SLIT3: variants seen among roughly 807,000 people sequenced by gnomAD.
SLIT3 encodes the protein slit homolog 3 protein.
A neutral mutation model predicts 184.0 loss-of-function variants in SLIT3; 68 were observed. That is an observed-to-expected ratio of 0.37 (90% CI 0.30 to 0.45). The LOEUF (loss-of-function observed/expected upper bound fraction) is 0.45. SLIT3 is among the 20% of genes least tolerant of loss of function. The pLI, the probability that SLIT3 is intolerant of heterozygous loss-of-function variation, is 1.00. For missense variants in SLIT3, 1,707 were observed against 2,026.0 expected (o/e 0.84, Z 3.02); for synonymous variants, 831 against 828.6 (o/e 1.00, Z -0.05).
intron 4 of SLIT3, among the ~76,000 whole-genome samples, chr5:169,081,033 C>G (rs547592524): frequency 3.3e-5 from 5 of 152,324 alleles, no homozygotes; most frequent in South Asian, 2.1e-4. Flanking sequence ...CCCCCGCCCC[C>G]CTTCCCCAGG....
At chr5:168,949,180 C>T (rs564382409) in intron 4 of SLIT3, among the ~76,000 whole-genome samples, 2 of 152,308 alleles carry the variant, frequency 1.3e-5, no homozygotes, top group South Asian at 4.2e-4. Context: ...TGCGGGTGTT[C>T]TGAGGCTCTT....
chr5:168,951,051 C>G (rs910765100), intron 4 of SLIT3, among the ~76,000 whole-genome samples: 1 of 152,136 alleles, frequency 6.6e-6, no homozygotes, highest in Non-Finnish European at 1.5e-5. Context: ...GAAATCCCAT[C>G]TCTACTAAAA....
At chr5:169,217,486 T>C (rs77838700) in intron 3 of SLIT3, among the ~76,000 whole-genome samples, 2,661 of 152,216 alleles carry the variant, frequency 0.017, 92 homozygotes, top group African/African-American at 0.061. Flanking sequence ...TATTTGAATG[T>C]TGTAGTAATC....
At chr5:169,065,265 C>G (rs1420045646) in intron 4 of SLIT3, among the ~76,000 whole-genome samples, 1 of 152,204 alleles carries the variant, frequency 6.6e-6, no homozygotes, top group Non-Finnish European at 1.5e-5. Flanking sequence ...GATGAACATT[C>G]AGTATTCACC....
intron 4 of SLIT3, among the ~76,000 whole-genome samples, chr5:168,918,266 C>T (rs911794569): frequency 2.6e-5 from 4 of 152,186 alleles, no homozygotes; most frequent in African/African-American, 4.8e-5. Flanking sequence ...TTAAAAACGA[C>T]TTGAGAGTCC....
chr5:168,755,780 C>T (rs938388627), intron 16 of SLIT3, among the ~76,000 whole-genome samples: 1 of 152,148 alleles, frequency 6.6e-6, no homozygotes, highest in African/African-American at 2.4e-5. Flanking sequence ...GAAAGCAGCC[C>T]TTCCCTCCGA....
intron 4 of SLIT3, among the ~76,000 whole-genome samples, chr5:169,154,211 C>T (rs145676500): frequency 0.01 from 1,536 of 152,270 alleles, 30 homozygotes; most frequent in African/African-American, 0.035. Flanking sequence ...CCACCCACCT[C>T]GGCCTCCCAA....
chr5:168,808,414 G>A (rs1239547619), intron 8 of SLIT3, among the ~76,000 whole-genome samples: 1 of 152,094 alleles, frequency 6.6e-6, no homozygotes, highest in Non-Finnish European at 1.5e-5. Context: ...TTATTTCCCT[G>A]TGCCTCAGTT....
At chr5:169,200,414 CT>C (rs1763874000) in intron 3 of SLIT3, among the ~76,000 whole-genome samples, 1 of 152,204 alleles carries the variant, frequency 6.6e-6, no homozygotes, top group Non-Finnish European at 1.5e-5. Context: ...TTCAGAAACA[CT>C]CACATGTCTC....
At chr5:168,834,599 A>T (rs1233947357) in intron 6 of SLIT3, among the ~76,000 whole-genome samples, 1 of 146,044 alleles carries the variant, frequency 6.8e-6, no homozygotes, top group East Asian at 2.1e-4. Context: ...GGCTGAGGGC[A>T]GGAGGTGAGC....
At chr5:168,834,762 C>A (rs900023148) in intron 6 of SLIT3, among the ~76,000 whole-genome samples, 9 of 122,774 alleles carry the variant, frequency 7.3e-5, no homozygotes, top group African/African-American at 2.8e-4. Flanking sequence ...GCAGATATTT[C>A]AAAGATTTAC....
chr5:169,201,425 G>A (rs766626173), intron 3 of SLIT3, among the ~76,000 whole-genome samples: 12 of 152,302 alleles, frequency 7.9e-5, no homozygotes, highest in Non-Finnish European at 1.3e-4. Flanking sequence ...TGGGATATCT[G>A]AGAGGGCTGA....
At position 168,908,597 on chromosome 5, in the gene SLIT3, C is replaced by A. The variant is rs554357971; in HGVS notation, c.414-25261G>T. The stretch of plus-strand genomic sequence containing the variant: ...GTTCCTGAGGTGGCTCCAGGGACTT[C>A]TCCCTGCTTTTAAGACAAGGGACTT... On this transcript the variant is annotated intron_variant, in intron 4 of 35. Coordinates refer to ENST00000519560, the MANE Select transcript of SLIT3 (RefSeq NM_003062.4). Among the ~76,000 whole-genome samples, 11 of 152,274 alleles carry A rather than the reference C, an allele frequency of 7.2e-5. No homozygotes were observed. In the South Asian group the frequency reaches 2.1e-3, roughly 29 times the overall value.
intron 4 of SLIT3, among the ~76,000 whole-genome samples, chr5:168,983,933 C>T (rs1486841993): frequency 6.6e-5 from 10 of 152,004 alleles, no homozygotes; most frequent in African/African-American, 2.4e-4. Context: ...GCCTGTAATC[C>T]CATCACTTTG....
intron 4 of SLIT3, among the ~76,000 whole-genome samples, chr5:169,137,303 C>CAT (rs764145331): frequency 2.2e-5 from 3 of 139,154 alleles, no homozygotes; most frequent in African/African-American, 8.7e-5. Flanking sequence ...TTTCTATCTA[C>CAT]ATACACACAC....
chr5:168,875,928 TCA>T (rs1027425998), intron 5 of SLIT3, among the ~76,000 whole-genome samples: 2 of 152,080 alleles, frequency 1.3e-5, no homozygotes, highest in African/African-American at 4.8e-5. Context: ...CCTGACACTC[TCA>T]GTCAGGAATG....
At chr5:168,855,473 G>A (rs1313782820) in intron 5 of SLIT3, among the ~76,000 whole-genome samples, 1 of 152,212 alleles carries the variant, frequency 6.6e-6, no homozygotes, top group East Asian at 1.9e-4. Context: ...CAACCCAAAT[G>A]TCTGTCAGCG....
rs778411948 is a variant in SLIT3, at chr5:169,300,428, A to AG, written c.197+84dup. The AG allele has an allele frequency of 1.0e-3, 1,406 of 1,362,776 alleles. 3 individuals carry two copies. The highest frequency in any genetic ancestry group is 1.1e-3 in the Non-Finnish European group (1,114 of 1,060,032). 84.4% of individuals were successfully genotyped at this position (1,362,776 alleles called of 1,614,324 possible). A position where few individuals can be genotyped will look rare whatever the true frequency, so the allele number is the denominator to read the frequency against. On this transcript the variant is annotated intron_variant, in intron 1 of 35. Coordinates refer to ENST00000519560, the MANE Select transcript of SLIT3 (RefSeq NM_003062.4). This position sits in a 1 kb window ranked among gnomAD's most constrained non-coding sequence, Gnocchi z 4.1. ...ATAGAGACTGCATCCAGGGAGGCCG[A>AG]GGGGAAAGGACGGATCTGGCGCCTG...
chr5:168,768,726 C>T (rs1271956014), intron 14 of SLIT3, among the ~76,000 whole-genome samples: 1 of 152,206 alleles, frequency 6.6e-6, no homozygotes, highest in Admixed American at 6.5e-5. Context: ...AGACAATCCA[C>T]AGTTCCCAGT....
Sources: gnomAD v4.1 joint callset for allele counts (sites outside exome capture counted in the v4.1 genomes callset) on GRCh38, gnomAD v4.1.1 for gene constraint, Gnocchi (gnomAD v3.1) non-coding constraint, MANE v1.5 for transcripts, NCBI Gene and HGNC (gene_info 2026-07-23, HGNC 2026-07-21) for gene names.